Variants in PCDH11X observed in about 807,000 individuals in gnomAD.
PCDH11X encodes the protein protocadherin-11 X-linked.
PCDH11X carries 18 observed loss-of-function variants against 53.3 expected under a neutral mutation model. The ratio of observed to expected loss-of-function variants is 0.34; its 90% CI spans 0.23 to 0.50. The LOEUF (loss-of-function observed/expected upper bound fraction) is 0.50, where lower values mean the gene tolerates loss of function less well. Among genes scored for constraint, PCDH11X ranks in the 20% least tolerant of loss-of-function variants. The probability of loss-of-function intolerance (pLI) is 0.98; values close to 1 mark genes in which losing one functional copy is unlikely to be tolerated. For missense variants in PCDH11X, 570 were observed against 1,032.4 expected (o/e 0.55, Z 6.14); for synonymous variants, 279 against 393.3 (o/e 0.71, Z 3.44).
intron 10 of PCDH11X, among the ~76,000 whole-genome samples, chrX:92,525,728 C>A (rs2074441256): frequency 9.1e-6 from 1 of 109,969 alleles, no homozygotes; most frequent in African/African-American, 3.3e-5. Flanking sequence ...CATTCTTTAT[C>A]AACCTTGCCT....
At chrX:91,828,180 A>C (rs1371627969) in intron 4 of PCDH11X, among the ~76,000 whole-genome samples, 1 of 93,619 alleles carries the variant, frequency 1.1e-5, no homozygotes, top group Admixed American at 1.2e-4. Context: ...AGTGCAGTGG[A>C]GCGATCTCAG....
At chrX:92,027,185 T>C (rs1338532176) in intron 6 of PCDH11X, among the ~76,000 whole-genome samples, 1 of 111,517 alleles carries the variant, frequency 9.0e-6, no homozygotes, top group Non-Finnish European at 1.9e-5. Context: ...ATTATATTTA[T>C]GTATGAATGT....
At chrX:92,091,303 A>G (rs1460296441) in intron 6 of PCDH11X, among the ~76,000 whole-genome samples, 1 of 110,244 alleles carries the variant, frequency 9.1e-6, no homozygotes, top group African/African-American at 3.3e-5. Flanking sequence ...CTGTTTGCAT[A>G]TTCCATTTAA....
intron 6 of PCDH11X, among the ~76,000 whole-genome samples, chrX:92,147,963 CCCT>C (rs2065319692): frequency 1.2e-5 from 1 of 80,227 alleles, no homozygotes; most frequent in African/African-American, 6.5e-5. Flanking sequence ...TTCCTTCTTT[CCCT>C]TCCTTCCTTC....
chrX:92,011,452 A>G (rs2062689800), intron 6 of PCDH11X, among the ~76,000 whole-genome samples: 1 of 112,356 alleles, frequency 8.9e-6, no homozygotes, highest in Non-Finnish European at 1.9e-5. Context: ...CCCCAGTTTC[A>G]TAGCATATCA....
chrX:92,392,166 C>T (rs2071143136), intron 9 of PCDH11X, among the ~76,000 whole-genome samples: 1 of 110,706 alleles, frequency 9.0e-6, no homozygotes, highest in Non-Finnish European at 1.9e-5. Flanking sequence ...TCTTCATCTT[C>T]CCCCAAAAAA....
intron 4 of PCDH11X, among the ~76,000 whole-genome samples, chrX:91,823,710 T>C (rs1487372773): frequency 1.8e-5 from 2 of 111,496 alleles, no homozygotes. Context: ...AATTTGATCC[T>C]GTCATTATGA....
intron 6 of PCDH11X, among the ~76,000 whole-genome samples, chrX:92,156,941 G>A (rs1415025242): frequency 4.5e-5 from 5 of 111,606 alleles, no homozygotes; most frequent in African/African-American, 1.6e-4. Flanking sequence ...AGCTTAAAAC[G>A]ACCTTCATAA....
chrX:92,308,533 A>C (rs1254534983), intron 8 of PCDH11X, among the ~76,000 whole-genome samples: 1 of 110,823 alleles, frequency 9.0e-6, no homozygotes. Flanking sequence ...CATAAGGGGT[A>C]ATATATAAAA....
chrX:91,977,128 A>G (rs1333261215), intron 6 of PCDH11X, among the ~76,000 whole-genome samples: 2 of 112,052 alleles, frequency 1.8e-5, no homozygotes, highest in African/African-American at 3.2e-5. Flanking sequence ...TGTAGAAAAT[A>G]TATCTATTTA....
At chrX:92,137,813 A>G (rs757300660) in intron 6 of PCDH11X, among the ~76,000 whole-genome samples, 1,339 of 109,466 alleles carry the variant, frequency 0.012, 21 homozygotes, top group African/African-American at 0.042. Flanking sequence ...ATATTTTGTT[A>G]CTGGCATCTT....
At chrX:92,282,147 G>C (rs2068263521) in intron 8 of PCDH11X, among the ~76,000 whole-genome samples, 1 of 111,074 alleles carries the variant, frequency 9.0e-6, no homozygotes, top group Admixed American at 9.6e-5. Context: ...GGGGGAATAA[G>C]AAGTTCTAAA....
chrX:92,154,959 G>A (rs1011003362), intron 6 of PCDH11X, among the ~76,000 whole-genome samples: 14 of 108,958 alleles, frequency 1.3e-4, no homozygotes, highest in African/African-American at 4.7e-4. Flanking sequence ...GATAAGGAAG[G>A]GGGTCTGCGT....
intron 9 of PCDH11X, among the ~76,000 whole-genome samples, chrX:92,399,170 G>A (rs1335750242): frequency 1.0e-5 from 1 of 97,494 alleles, no homozygotes; most frequent in Non-Finnish European, 2.0e-5. Flanking sequence ...TCCAGCCTGG[G>A]CAACAGAGCC....
Position 92,615,443 on chromosome X carries a change from C to T in PCDH11X, c.3368-2821C>T, listed in dbSNP as rs1315347081. Among the ~76,000 whole-genome samples the T allele has an allele frequency of 2.7e-5, 3 of 111,539 alleles. No homozygotes were observed. The Admixed American group carries it at 2.8e-4, about 11-fold the overall frequency. ...AAGTCAGTTTCAGGTTGCCAGCTGG[C>T]CTTGAATGAAAGTCTCATCATCCAG... On this transcript the variant is annotated intron_variant, in intron 10 of 10. Coordinates refer to ENST00000682573, the MANE Select transcript of PCDH11X (RefSeq NM_032968.5).
At chrX:91,951,545 A>G (rs1171838029) in intron 6 of PCDH11X, among the ~76,000 whole-genome samples, 1 of 99,850 alleles carries the variant, frequency 1.0e-5, no homozygotes, top group Non-Finnish European at 2.0e-5. Context: ...TTCCATTTTA[A>G]AGTAATGTTA....
At chrX:92,450,211 G>A (rs2072750724) in intron 9 of PCDH11X, among the ~76,000 whole-genome samples, 1 of 110,268 alleles carries the variant, frequency 9.1e-6, no homozygotes, top group Non-Finnish European at 1.9e-5. Context: ...GAAGGTTATA[G>A]AACATCAAGA....
At chrX:91,800,004 G>C (rs1405709621) in intron 1 of PCDH11X, among the ~76,000 whole-genome samples, 1 of 112,416 alleles carries the variant, frequency 8.9e-6, no homozygotes, top group African/African-American at 3.2e-5. Flanking sequence ...CACAAGAATC[G>C]CTTGAACCCG....
intron 8 of PCDH11X, among the ~76,000 whole-genome samples, chrX:92,340,751 A>G (rs1392408636): frequency 4.5e-5 from 5 of 112,221 alleles, no homozygotes; most frequent in African/African-American, 1.6e-4. Context: ...AGGCTACCTC[A>G]AAGGTCTCTG....
Sources: gnomAD v4.1 joint callset for allele counts (sites outside exome capture counted in the v4.1 genomes callset) on GRCh38, gnomAD v4.1.1 for gene constraint, MANE v1.5 for transcripts, NCBI Gene and HGNC (gene_info 2026-07-23, HGNC 2026-07-21) for gene names.